The following CCDC32 variants were observed in gnomAD, a reference collection of about 807,000 sequenced individuals.
CCDC32 encodes coiled-coil domain-containing protein 32.
Under a neutral mutation model 20.1 loss-of-function variants are expected in CCDC32, and 9 were observed. The ratio of observed to expected loss-of-function variants is 0.45; its 90% CI spans 0.27 to 0.78. The LOEUF (loss-of-function observed/expected upper bound fraction) is 0.78, where lower values mean the gene tolerates loss of function less well. Ranked by LOEUF, CCDC32 falls within the 30% of genes least tolerant of loss-of-function variation. The probability of loss-of-function intolerance (pLI) is 0.16; values close to 1 mark genes in which losing one functional copy is unlikely to be tolerated. For synonymous variants in CCDC32, 63 were observed against 79.0 expected (o/e 0.80, Z 1.07); for missense variants, 204 against 215.5 (o/e 0.95, Z 0.33).
At chr15:40,538,479 A>C (rs1889229549), downstream of CCDC32, 1 of 152,232 alleles carries the variant, frequency 6.6e-6, no homozygotes, top group Non-Finnish European at 1.5e-5. Context: ...TGTCCGCCCC[A>C]ATAGGAGAAA....
chr15:40,531,208 G>A (rs968411972), downstream of CCDC32: 31 of 151,580 alleles, frequency 2.0e-4, no homozygotes, highest in African/African-American at 7.5e-4. Context: ...TAGGAAATCA[G>A]GGGGTACAAT....
intron 3 of CCDC32, among the ~76,000 whole-genome samples, chr15:40,547,116 G>T (rs2412531): frequency 5.3e-5 from 8 of 151,776 alleles, no homozygotes; most frequent in South Asian, 2.1e-4. Flanking sequence ...CTGTTGGTCT[G>T]GGGGGTTGAG....
chr15:40,533,906 A>G (rs1371627063), downstream of CCDC32, among the ~76,000 whole-genome samples: 1 of 152,060 alleles, frequency 6.6e-6, no homozygotes, highest in Non-Finnish European at 1.5e-5. Context: ...TACTTTTACA[A>G]TATGTTCTCG....
rs1324715352 is a variant in CCDC32, at chr15:40,553,394, GAGAA to G, written c.*573_*576del. On this transcript the variant is annotated 3_prime_UTR_variant, in exon 4 of 4. Transcript: ENST00000416810. ...CATTTGTTCCACAAGGAACAAATGA[GAGAA>G]AGAAGCCCAGCCTCTCTCCCTGGAG... The G allele has an allele frequency of 8.1e-6, 8 of 985,258 alleles. No homozygotes were observed. Among genetic ancestry groups the G allele is most frequent in the East Asian group, 2.3e-4 (2 of 8,794 alleles). The allele number at this position is 985,258 out of a possible 1,614,324, so 61.0% of individuals were successfully genotyped here.
downstream of CCDC32, among the ~76,000 whole-genome samples, chr15:40,550,363 C>A (rs1377057482): frequency 6.6e-6 from 1 of 152,234 alleles, no homozygotes; most frequent in Non-Finnish European, 1.5e-5. Context: ...GAAGCCCTAA[C>A]TGGAGTTCCT....
chr15:40,554,610 T>G (rs931046603), intron 3 of CCDC32, among the ~76,000 whole-genome samples: 2 of 152,200 alleles, frequency 1.3e-5, no homozygotes, highest in African/African-American at 4.8e-5. Context: ...GTGATTTTTT[T>G]TTTGTGTGGG....
downstream of CCDC32, among the ~76,000 whole-genome samples, chr15:40,548,430 T>G (rs564772948): frequency 5.2e-4 from 79 of 152,288 alleles, no homozygotes; most frequent in African/African-American, 1.9e-3. Flanking sequence ...ATTAGCTACT[T>G]AAAACCTGAA....
rs867118936 is a variant in CCDC32 at position 40,540,653 on chromosome 15, G to A, written c.402-1298C>T. Among the ~76,000 whole-genome samples the A allele has an allele frequency of 1.7e-4, 26 of 152,250 alleles. No homozygotes were observed. The South Asian group carries it at 1.9e-3, about 11-fold the overall frequency. The stretch of plus-strand genomic sequence containing the variant: ...CAAAGTGCTGGGATTACAGGTGTGA[G>A]CCACTGCACCCAGCCCAGCATTTTC... On this transcript the variant is annotated intron_variant, in intron 3 of 3. Coordinates refer to the CCDC32 transcript ENST00000558113.
chr15:40,523,395 T>C, the CCDC32 span, among the ~76,000 whole-genome samples: 1 of 150,966 alleles, frequency 6.6e-6, no homozygotes, highest in Non-Finnish European at 1.5e-5. Context: ...TCCTAGCTAC[T>C]CAGGAGGCTG....
chr15:40,556,953 G>A lies in CCDC32; in HGVS notation c.401+263C>T, dbSNP rs1002577817. On this transcript the variant is annotated intron_variant, in intron 3 of 3. Coordinates refer to ENST00000416810, the MANE Select transcript of CCDC32 (RefSeq NM_001080792.4). ...GTAAATGGTTTTTCCTTTTGTTACAGTAACATGGTTTCCAAACCTCATGAG... is the reference window on the plus strand; with the variant it reads ...GTAAATGGTTTTTCCTTTTGTTACAATAACATGGTTTCCAAACCTCATGAG... 1.8e-5 allele frequency: 6 copies of A among 330,746 alleles called. No homozygotes were observed. The Admixed American group carries it at 2.3e-4, about 13-fold the overall frequency. The allele number at this position is 330,746 out of a possible 1,614,324, so 20.5% of individuals were successfully genotyped here.
chr15:40,549,221 T>G (rs901886542), downstream of CCDC32, among the ~76,000 whole-genome samples: 1 of 152,280 alleles, frequency 6.6e-6, no homozygotes, highest in South Asian at 2.1e-4. Flanking sequence ...CCAAACTCCT[T>G]AACATGGTTT....
At chr15:40,540,913 C>T (rs1889363182) in intron 3 of CCDC32, among the ~76,000 whole-genome samples, 1 of 152,180 alleles carries the variant, frequency 6.6e-6, no homozygotes, top group East Asian at 1.9e-4. Flanking sequence ...AAGACTTGAA[C>T]CCAAGAGAGC....
At chr15:40,557,098 G>A in intron 3 of CCDC32, 118 bp downstream of exon 3, 1 of 1,143,328 alleles carries the variant, frequency 8.7e-7, no homozygotes, top group Non-Finnish European at 1.2e-6. Flanking sequence ...ACACGTAGCT[G>A]CAGTATTTGC....
chr15:40,539,870 A>ACACACACACACACACACACG (rs1889308344), intron 3 of CCDC32, among the ~76,000 whole-genome samples: 1 of 151,392 alleles, frequency 6.6e-6, no homozygotes, highest in Admixed American at 6.6e-5. Context: ...ACACACACAC[A>ACACACACACACACACACACG]CACACACACA....
chr15:40,525,917 A>T (rs1894894922), downstream of CCDC32, among the ~76,000 whole-genome samples: 1 of 151,554 alleles, frequency 6.6e-6, no homozygotes, highest in Non-Finnish European at 1.5e-5. Context: ...AAATAGTGTC[A>T]ATAATTACAT....
chr15:40,539,882 C>CACACACACACACACACA (rs1555413885), intron 3 of CCDC32, among the ~76,000 whole-genome samples: 2 of 67,194 alleles, frequency 3.0e-5, no homozygotes, highest in African/African-American at 4.4e-5. Flanking sequence ...ACACACACAC[C>CACACACACACACACACA]CCGCTCCTTG....
chr15:40,539,179 A>G, downstream of CCDC32: 1 of 1,427,166 alleles, frequency 7.0e-7, no homozygotes, highest in Non-Finnish European at 9.5e-7. Flanking sequence ...ACCTGACACC[A>G]CAGAAAGGTC....
At chr15:40,557,610 A>C in intron 2 of CCDC32, 1 of 391,740 alleles carries the variant, frequency 2.6e-6, no homozygotes, top group East Asian at 4.6e-5. Context: ...AAAAGGGAAA[A>C]GCCATAGGTT....
the CCDC32 span, among the ~76,000 whole-genome samples, chr15:40,523,440 G>T: frequency 1.3e-5 from 2 of 150,330 alleles, no homozygotes; most frequent in Admixed American, 6.6e-5. Flanking sequence ...GGAGGCGGAG[G>T]TTGTGGTGAG....
Sources: gnomAD v4.1 joint callset for allele counts (sites outside exome capture counted in the v4.1 genomes callset) on GRCh38, gnomAD v4.1.1 for gene constraint, MANE v1.5 for transcripts, NCBI Gene and HGNC (gene_info 2026-07-23, HGNC 2026-07-21) for gene names.